The following ARMC8 variants were observed in gnomAD, a reference collection of about 807,000 sequenced individuals.
ARMC8 encodes the protein armadillo repeat-containing protein 8.
In ARMC8, 20 loss-of-function variants were observed where a neutral mutation model predicts 99.3. The ratio of observed to expected loss-of-function variants is 0.20; its 90% confidence interval spans 0.14 to 0.29. The LOEUF is 0.29. Among genes scored for constraint, ARMC8 ranks in the 10% least tolerant of loss-of-function variants. The probability of loss-of-function intolerance (pLI) is 1.00; values close to 1 mark genes in which losing one functional copy is unlikely to be tolerated. For missense variants in ARMC8, 569 were observed against 809.5 expected (o/e 0.70, Z 3.60); for synonymous variants, 263 against 278.3 (o/e 0.95, Z 0.55).
At chr3:138,191,284 C>T (rs549955958) in intron 1 of ARMC8, among the ~76,000 whole-genome samples, 2 of 152,338 alleles carry the variant, frequency 1.3e-5, no homozygotes, top group South Asian at 4.1e-4. Context: ...TTGCATTTAA[C>T]ATTACAACAT....
intron 17 of ARMC8, among the ~76,000 whole-genome samples, chr3:138,274,079 A>G (rs573516342): frequency 1.3e-5 from 2 of 152,220 alleles, no homozygotes; most frequent in Admixed American, 6.5e-5. Flanking sequence ...CGGCCCCCCA[A>G]AGTGCTGGGA....
intron 18 of ARMC8, among the ~76,000 whole-genome samples, chr3:138,280,854 T>C (rs975088477): frequency 6.6e-6 from 1 of 152,058 alleles, no homozygotes; most frequent in Admixed American, 6.5e-5. Flanking sequence ...CCTCAAACTC[T>C]TGACCTCAAG....
At chr3:138,188,234 G>A (rs1374923410) in intron 1 of ARMC8, 2 of 498,548 alleles carry the variant, frequency 4.0e-6, no homozygotes, top group Non-Finnish European at 6.7e-6. Context: ...GCGGCTCTGA[G>A]TCAGAGGAAC....
At chr3:138,205,060 C>CTTTTCTTTTTTT (rs2044285992) in intron 1 of ARMC8, among the ~76,000 whole-genome samples, 1 of 93,284 alleles carries the variant, frequency 1.1e-5, no homozygotes, top group African/African-American at 4.4e-5. Flanking sequence ...CTTTTCTTTT[C>CTTTTCTTTTTTT]TTTTTTTTTT....
At chr3:138,196,287 A>G (rs2107967660) in intron 1 of ARMC8, among the ~76,000 whole-genome samples, 1 of 152,262 alleles carries the variant, frequency 6.6e-6, no homozygotes, top group East Asian at 1.9e-4. Context: ...GGAATTTGTT[A>G]GGGGAGTAAG....
In ARMC8 at chr3:138,245,006, T is replaced by C; in HGVS notation, c.1039-82T>C. 5 of 1,482,674 alleles carry C rather than the reference T, an allele frequency of 3.4e-6. No individual in the cohort carries two copies. The South Asian group carries it at 6.7e-5, about 20-fold the overall frequency. The allele number at this position is 1,482,674 out of a possible 1,614,324, so 91.8% of individuals were successfully genotyped here. The stretch of plus-strand genomic sequence containing the variant: ...TCACTAAAATCTAAAAGTTGTAAAC[T>C]TTTTTTTTCTTCAACTCAGTTAATG... On this transcript the variant is annotated intron_variant, in intron 11 of 21. Coordinates refer to ENST00000469044, the MANE Select transcript of ARMC8 (RefSeq NM_001363941.2).
At position 138,289,058 on chromosome 3, in the gene ARMC8, A is replaced by G; in HGVS notation, c.1832A>G (p.His611Arg). ...TTTCTGTATTAATAGGGCCATTCACATGTTAAACTGCAGCTTGCAGCCATG... is the reference window on the plus strand; with the variant it reads ...TTTCTGTATTAATAGGGCCATTCACGTGTTAAACTGCAGCTTGCAGCCATG... ...QKIKYYMGHS[H>R]VKLQLAAMFC... is the part of the protein sequence containing the mutation. The change falls in exon 20 of 22, where the codon CAT (histidine) becomes CGT (arginine). Residue 611 changes from histidine to arginine, a missense_variant. Transcript: ENST00000469044. 6.2e-7 allele frequency: 1 copy of G among 1,612,862 alleles called. No individual in the cohort carries two copies. The highest frequency in any genetic ancestry group is 1.1e-5 in the South Asian group (1 of 90,962).
rs114513809 is a variant in ARMC8 at position 138,210,653 on chromosome 3, G to C, written c.122+760G>C. Among the ~76,000 whole-genome samples the C allele has an allele frequency of 9.2e-3, 1,407 of 152,172 alleles. 26 individuals are homozygous for C. The highest frequency in any genetic ancestry group is 0.033 in the African/African-American group (1,364 of 41,524). ...ACAAAAAAGGGTCAAGATACATTTGGGTAATGATGAGGGCGCCCATGAGGG... is the reference window on the plus strand; with the variant it reads ...ACAAAAAAGGGTCAAGATACATTTGCGTAATGATGAGGGCGCCCATGAGGG... On this transcript the variant is annotated intron_variant, in intron 2 of 21. Transcript: ENST00000469044.
rs537242747 is a variant in ARMC8, at chr3:138,297,563, T to G, written c.*1671T>G. The G allele has an allele frequency of 6.6e-6, 1 of 152,348 alleles. No homozygotes were observed. Among genetic ancestry groups the G allele is most frequent in the East Asian group, 1.9e-4 (1 of 5,190 alleles). The allele number at this position is 152,348 out of a possible 1,614,324, so 9.4% of individuals were successfully genotyped here. A position where few individuals can be genotyped will look rare whatever the true frequency, so the allele number is the denominator to read the frequency against. ...TCCTTGGAAGATTTAAATGTTTGGT[T>G]GCAAATGAATGTTTTAAAAATGTAT... On this transcript the variant is annotated 3_prime_UTR_variant, in exon 22 of 22. Coordinates refer to ENST00000469044, the MANE Select transcript of ARMC8 (RefSeq NM_001363941.2).
chr3:138,246,594 A>G, intron 12 of ARMC8: 3 of 985,690 alleles, frequency 3.0e-6, no homozygotes, highest in Non-Finnish European at 3.6e-6. Context: ...TATTTTACCC[A>G]TTCTTAAAGC....
At chr3:138,245,771 A>G (rs970360058) in intron 12 of ARMC8, 1 of 986,536 alleles carries the variant, frequency 1.0e-6, no homozygotes. Flanking sequence ...ACTAAAGCCT[A>G]GTCTAACACT....
At chr3:138,208,069 T>G (rs1231464127) in intron 1 of ARMC8, among the ~76,000 whole-genome samples, 2 of 147,438 alleles carry the variant, frequency 1.4e-5, no homozygotes, top group Non-Finnish European at 3.0e-5. Context: ...GAGATCGGCC[T>G]GGGCAAGACG....
In ARMC8 at chr3:138,250,664, C is replaced by T. The variant is rs868543442; in HGVS notation, c.1134+5481C>T. On this transcript the variant is annotated intron_variant, in intron 12 of 21. Transcript: ENST00000469044. ...CCAAAATCTACCTAACTTTGATGAC[C>T]TAATTGTTACTGCTTATGGTTGTCA... Among the ~76,000 whole-genome samples the T allele has an allele frequency of 5.9e-4, 90 of 152,206 alleles. 1 individual carries two copies. Among genetic ancestry groups the T allele is most frequent in the Middle Eastern group, 3.4e-3 (1 of 292 alleles).
intron 19 of ARMC8, among the ~76,000 whole-genome samples, chr3:138,286,079 G>A (rs1040169537): frequency 2.0e-5 from 3 of 152,102 alleles, no homozygotes; most frequent in Non-Finnish European, 4.4e-5. Context: ...GAGTAGCTGG[G>A]ATTACAGGCG....
At chr3:138,245,546 T>C (rs890420644) in intron 12 of ARMC8, 2 of 1,112,872 alleles carry the variant, frequency 1.8e-6, no homozygotes, top group Admixed American at 4.6e-5. Flanking sequence ...ATGTTATTTA[T>C]GGAAATACCT....
chr3:138,213,262 A>G (rs183896262), intron 2 of ARMC8, among the ~76,000 whole-genome samples: 147 of 152,376 alleles, frequency 9.6e-4, no homozygotes, highest in African/African-American at 3.3e-3. Context: ...TAGATAGCTC[A>G]CATCACAGTG....
intron 18 of ARMC8, among the ~76,000 whole-genome samples, chr3:138,278,184 G>C (rs2049492485): frequency 6.6e-6 from 1 of 152,120 alleles, no homozygotes. Flanking sequence ...TGTAAATGCT[G>C]ACTGTACTGG....
In ARMC8 at chr3:138,245,410, G is replaced by A. The variant is rs990481286; in HGVS notation, c.1134+227G>A. On this transcript the variant is annotated intron_variant, in intron 12 of 21. Coordinates refer to ENST00000469044, the MANE Select transcript of ARMC8 (RefSeq NM_001363941.2). ...CGTGCTGGAATGACAAATAACTGGC[G>A]TGCTTTTTTTTTGTGTCATTAATAT... 2.0e-5 allele frequency: 27 copies of A among 1,378,198 alleles called. No individual in the cohort carries two copies. In the African/African-American group the frequency reaches 3.2e-4, roughly 16 times the overall value. The allele number at this position is 1,378,198 out of a possible 1,614,324, so 85.4% of individuals were successfully genotyped here.
intron 1 of ARMC8, among the ~76,000 whole-genome samples, chr3:138,194,996 C>G (rs2043632171): frequency 6.6e-6 from 1 of 151,814 alleles, no homozygotes; most frequent in Non-Finnish European, 1.5e-5. Context: ...AGTAAATCGC[C>G]AGGTGCAGTG....
Sources: allele counts gnomAD v4.1 joint callset (sites outside exome capture counted in the v4.1 genomes callset), GRCh38; gene constraint gnomAD v4.1.1; transcripts MANE v1.5; gene names NCBI Gene and HGNC (gene_info 2026-07-23, HGNC 2026-07-21).